The following FRMD4A variants were observed in gnomAD, a reference collection of about 807,000 sequenced individuals.
FRMD4A encodes FERM domain containing 4A.
A neutral mutation model predicts 129.1 loss-of-function variants in FRMD4A; 29 were observed. The ratio of observed to expected loss-of-function variants is 0.22; its 90% CI spans 0.17 to 0.31. The LOEUF is 0.31. Ranked by LOEUF, FRMD4A falls within the 10% of genes least tolerant of loss-of-function variation. The probability of loss-of-function intolerance (pLI) is 1.00; values close to 1 mark genes in which losing one functional copy is unlikely to be tolerated. For synonymous variants in FRMD4A, 634 were observed against 571.6 expected (o/e 1.11, Z -1.56); for missense variants, 1,272 against 1,375.8 (o/e 0.92, Z 1.19).
At chr10:13,750,213 TAGAGGGA>T (rs2091547653) in intron 8 of FRMD4A, among the ~76,000 whole-genome samples, 2 of 126,074 alleles carry the variant, frequency 1.6e-5, no homozygotes, top group Non-Finnish European at 3.4e-5. Context: ...CATGACCAAC[TAGAGGGA>T]AAAGCTCAAA....
intron 2 of FRMD4A, among the ~76,000 whole-genome samples, chr10:14,273,987 G>A (rs971391981): frequency 6.6e-6 from 1 of 152,210 alleles, no homozygotes; most frequent in African/African-American, 2.4e-5. Context: ...AGAGGATGCT[G>A]AGGGAGATGG....
chr10:13,667,633 A>C (rs2083167433), intron 17 of FRMD4A: 1 of 152,246 alleles, frequency 6.6e-6, no homozygotes, highest in African/African-American at 2.4e-5. Flanking sequence ...TGTGTGCGTG[A>C]GGATTTGGGG....
At chr10:14,073,395 T>C (rs548037163) in intron 2 of FRMD4A, among the ~76,000 whole-genome samples, 87 of 152,284 alleles carry the variant, frequency 5.7e-4, no homozygotes, top group Non-Finnish European at 1.1e-3. Flanking sequence ...ATTGAGTTGC[T>C]GCAAGAAATG....
chr10:14,089,475 C>T (rs1197836951), intron 2 of FRMD4A, among the ~76,000 whole-genome samples: 1 of 152,118 alleles, frequency 6.6e-6, no homozygotes, highest in Non-Finnish European at 1.5e-5. Context: ...GCATGCTGGG[C>T]ACAGGGCCAG....
At chr10:14,220,949 C>G (rs1409750) in intron 2 of FRMD4A, among the ~76,000 whole-genome samples, 6,796 of 151,986 alleles carry the variant, frequency 0.045, 245 homozygotes, top group Non-Finnish European at 0.067. Flanking sequence ...GATTGAGGAG[C>G]AGGAACCTGA....
chr10:14,263,501 T>C (rs1235913630), intron 2 of FRMD4A, among the ~76,000 whole-genome samples: 2 of 152,146 alleles, frequency 1.3e-5, no homozygotes, highest in African/African-American at 4.8e-5. Context: ...ACATTGCTCA[T>C]TGTCAATTGC....
intron 15 of FRMD4A, among the ~76,000 whole-genome samples, chr10:13,692,005 G>C (rs147017063): frequency 6.6e-6 from 1 of 152,118 alleles, no homozygotes; most frequent in Non-Finnish European, 1.5e-5. Flanking sequence ...CAGAAAGAAT[G>C]AGCATTGACC....
At chr10:14,284,434 A>G (rs1283294007) in intron 2 of FRMD4A, among the ~76,000 whole-genome samples, 3 of 152,130 alleles carry the variant, frequency 2.0e-5, no homozygotes, top group African/African-American at 4.8e-5. Flanking sequence ...GGATCACGAG[A>G]TCAGGACATC....
At chr10:14,118,148 A>G (rs1290447490) in intron 2 of FRMD4A, among the ~76,000 whole-genome samples, 2 of 152,222 alleles carry the variant, frequency 1.3e-5, no homozygotes, top group Admixed American at 6.5e-5. Context: ...TATGAGTTTG[A>G]CCAAACACCT....
At chr10:14,244,583 G>T (rs1472895397) in intron 2 of FRMD4A, among the ~76,000 whole-genome samples, 1 of 152,162 alleles carries the variant, frequency 6.6e-6, no homozygotes, top group African/African-American at 2.4e-5. Flanking sequence ...GGGATAATTT[G>T]TTACCATGTT....
intron 2 of FRMD4A, among the ~76,000 whole-genome samples, chr10:13,936,093 A>G (rs1201871868): frequency 6.6e-6 from 1 of 152,256 alleles, no homozygotes; most frequent in Non-Finnish European, 1.5e-5. Context: ...AAGATCTTAT[A>G]TTGAATAAGA....
chr10:13,680,772 C>T (rs1056335143), intron 15 of FRMD4A, among the ~76,000 whole-genome samples: 8 of 151,414 alleles, frequency 5.3e-5, no homozygotes, highest in East Asian at 1.9e-4. Flanking sequence ...ATAGGCTGGG[C>T]GCAGTGGCTC....
chr10:13,897,546 T>A (rs2094772220), intron 2 of FRMD4A, among the ~76,000 whole-genome samples: 1 of 152,212 alleles, frequency 6.6e-6, no homozygotes, highest in Admixed American at 6.5e-5. Flanking sequence ...CTATGCCTGC[T>A]GAGTGCCTCA....
intron 24 of FRMD4A, 186 bp downstream of exon 24, chr10:13,651,717 G>A (rs1261893530): frequency 9.9e-6 from 6 of 605,394 alleles, no homozygotes; most frequent in Middle Eastern, 2.6e-4. Flanking sequence ...AGCAGTGTTA[G>A]GAATATCATA....
At chr10:14,249,543 G>T (rs11258977) in intron 2 of FRMD4A, among the ~76,000 whole-genome samples, 3 of 151,918 alleles carry the variant, frequency 2.0e-5, no homozygotes, top group Non-Finnish European at 4.4e-5. Flanking sequence ...TTCTGCAGCC[G>T]CTTCCCTTTC....
At chr10:14,074,916 C>G (rs1044654630) in intron 2 of FRMD4A, 1 of 152,148 alleles carries the variant, frequency 6.6e-6, no homozygotes, top group Non-Finnish European at 1.5e-5. Flanking sequence ...ATGGTTTAAT[C>G]TAGATACTAC....
Position 14,215,126 on chromosome 10 carries a change from G to C in FRMD4A, c.45+114932C>G, listed in dbSNP as rs532706434. On this transcript the variant is annotated intron_variant, in intron 2 of 24. Coordinates refer to ENST00000357447, the MANE Select transcript of FRMD4A (RefSeq NM_018027.5). ...TAGCCAGTTAAGTTGGGAAAAGGTA[G>C]ATACCATCAACTAGAGAAGCCATTG... 1.4e-4 allele frequency among the ~76,000 whole-genome samples: 22 copies of C among 152,286 alleles called. No individual in the cohort carries two copies. In the South Asian group the frequency reaches 4.6e-3, roughly 32 times the overall value.
chr10:13,863,741 C>G (rs2094325390), intron 2 of FRMD4A, among the ~76,000 whole-genome samples: 1 of 124,560 alleles, frequency 8.0e-6, no homozygotes, highest in African/African-American at 3.1e-5. Flanking sequence ...CCAAATATGA[C>G]TTAATATGTT....
chr10:13,951,926 T>TAATAATAATAAA (rs1384796434), intron 2 of FRMD4A, among the ~76,000 whole-genome samples: 6 of 145,524 alleles, frequency 4.1e-5, no homozygotes, highest in African/African-American at 1.5e-4. Flanking sequence ...ATAATAATAA[T>TAATAATAATAAA]AATAAACAAT....
Sources: allele counts gnomAD v4.1 joint callset (sites outside exome capture counted in the v4.1 genomes callset), GRCh38; gene constraint gnomAD v4.1.1; transcripts MANE v1.5; gene names NCBI Gene and HGNC (gene_info 2026-07-23, HGNC 2026-07-21).